RNF150: variants seen among roughly 807,000 people sequenced by gnomAD.
The protein encoded by RNF150 is ring finger protein 150.
RNF150 carries 24 observed loss-of-function variants against 39.3 expected under a neutral mutation model. The ratio of observed to expected loss-of-function variants is 0.61; its 90% CI spans 0.44 to 0.86. The LOEUF (loss-of-function observed/expected upper bound fraction) is 0.86. RNF150 is among the 40% of genes least tolerant of loss of function. The pLI, the probability that RNF150 is intolerant of heterozygous loss-of-function variation, is 0.00. For missense variants in RNF150, 502 were observed against 587.8 expected (o/e 0.85, Z 1.51); for synonymous variants, 255 against 227.3 (o/e 1.12, Z -1.10).
intron 6 of RNF150, among the ~76,000 whole-genome samples, chr4:140,893,718 G>C (rs1371035050): frequency 6.6e-6 from 1 of 152,196 alleles, no homozygotes; most frequent in Non-Finnish European, 1.5e-5. Flanking sequence ...TGTTCTGGCG[G>C]GGGCTTGTGA....
chr4:141,100,458 T>C lies in RNF150; in HGVS notation c.484+31867A>G, dbSNP rs559273700. Among the ~76,000 whole-genome samples, 7 of 152,334 alleles carry C rather than the reference T, an allele frequency of 4.6e-5. No homozygotes were observed. In the South Asian group the frequency reaches 1.0e-3, roughly 23 times the overall value. On this transcript the variant is annotated intron_variant, in intron 1 of 6. Transcript: ENST00000515673. Reference sequence around the variant, plus strand: ...CAAACACTGCTGATCACAAGTACTGTACATCTACTACTAAATAAGTAATGC... The same window carrying C: ...CAAACACTGCTGATCACAAGTACTGCACATCTACTACTAAATAAGTAATGC...
chr4:141,048,535 A>C (rs1736665051), intron 1 of RNF150, among the ~76,000 whole-genome samples: 1 of 152,140 alleles, frequency 6.6e-6, no homozygotes, highest in Admixed American at 6.5e-5. Flanking sequence ...GTTTGAGACC[A>C]TCCTGAACAA....
chr4:141,076,605 T>C (rs1737903546), intron 1 of RNF150, among the ~76,000 whole-genome samples: 1 of 151,662 alleles, frequency 6.6e-6, no homozygotes, highest in Non-Finnish European at 1.5e-5. Flanking sequence ...TTCAGCACCT[T>C]TGTGGGTAGA....
chr4:140,913,212 G>C (rs6827543), intron 5 of RNF150, among the ~76,000 whole-genome samples: 83,935 of 151,958 alleles, frequency 0.55, 23,678 homozygotes, highest in East Asian at 0.89. Context: ...AGTGAGCCAA[G>C]ATTGTCCCAC....
intron 1 of RNF150, among the ~76,000 whole-genome samples, chr4:141,122,229 G>A (rs1243381587): frequency 6.6e-6 from 1 of 152,204 alleles, no homozygotes; most frequent in South Asian, 2.1e-4. Context: ...CAGACACAGA[G>A]GAGTGTAAGG....
intron 1 of RNF150, among the ~76,000 whole-genome samples, chr4:141,201,377 G>A (rs1728287434): frequency 6.6e-6 from 1 of 152,162 alleles, no homozygotes; most frequent in Admixed American, 6.5e-5. Context: ...TTTCCAGATA[G>A]CCATGCCTCA....
In RNF150 at chr4:141,129,407, G is replaced by C. The variant is rs544179546; in HGVS notation, c.484+2918C>G. 2.0e-5 allele frequency among the ~76,000 whole-genome samples: 3 copies of C among 152,306 alleles called. No individual in the cohort carries two copies. The South Asian group carries it at 6.2e-4, about 32-fold the overall frequency. On this transcript the variant is annotated intron_variant, in intron 1 of 6. Transcript: ENST00000515673. ...TTCCATTTATATGAAAGGTACAAAA[G>C]AGGCATTTAAATACATGAAGACAGA... is the stretch of plus-strand genomic sequence containing the variant.
At chr4:141,012,123 C>A (rs564040993) in intron 1 of RNF150, among the ~76,000 whole-genome samples, 24 of 152,324 alleles carry the variant, frequency 1.6e-4, no homozygotes, top group African/African-American at 5.8e-4. Context: ...AGAATCTTTT[C>A]TTTCAAAAAG....
chr4:141,120,412 T>G (rs983991476), intron 1 of RNF150, among the ~76,000 whole-genome samples: 3 of 152,174 alleles, frequency 2.0e-5, no homozygotes, highest in African/African-American at 7.2e-5. Flanking sequence ...GTACTCTTCC[T>G]GCTCACTTGA....
intron 1 of RNF150, among the ~76,000 whole-genome samples, chr4:140,976,253 C>T (rs1440042628): frequency 6.6e-6 from 1 of 152,116 alleles, no homozygotes; most frequent in Non-Finnish European, 1.5e-5. Context: ...CCCATCACAT[C>T]CTCCTTCAAA....
intron 6 of RNF150, among the ~76,000 whole-genome samples, chr4:140,883,660 G>A (rs994484177): frequency 1.3e-5 from 2 of 152,126 alleles, no homozygotes; most frequent in African/African-American, 4.8e-5. Context: ...TCATATGTAA[G>A]CTCCCTTGTG....
chr4:140,954,676 AAAT>A (rs1389406629), intron 2 of RNF150, among the ~76,000 whole-genome samples: 3 of 152,250 alleles, frequency 2.0e-5, no homozygotes, highest in African/African-American at 7.2e-5. Context: ...CCATGTATTA[AAAT>A]AATAAAGTCC....
chr4:141,151,971 C>T (rs1336146910), intron 1 of RNF150, among the ~76,000 whole-genome samples: 2 of 151,898 alleles, frequency 1.3e-5, no homozygotes, highest in Non-Finnish European at 1.5e-5. Flanking sequence ...TGATGTAGGT[C>T]TGCCATGTGT....
chr4:141,126,091 T>TACACAC (rs372235467), intron 1 of RNF150, among the ~76,000 whole-genome samples: 12 of 61,498 alleles, frequency 2.0e-4, no homozygotes, highest in African/African-American at 6.6e-4. Flanking sequence ...GCAAAATAAA[T>TACACAC]ACATACACAC....
chr4:141,014,848 G>T (rs1216413000), intron 1 of RNF150, among the ~76,000 whole-genome samples: 2 of 151,972 alleles, frequency 1.3e-5, no homozygotes, highest in Non-Finnish European at 2.9e-5. Flanking sequence ...GTCTAATTTT[G>T]CCTTTGTTGC....
chr4:141,063,577 A>G (rs911121152), intron 1 of RNF150, among the ~76,000 whole-genome samples: 2 of 152,208 alleles, frequency 1.3e-5, no homozygotes, highest in Non-Finnish European at 2.9e-5. Context: ...TTTCTGAAAC[A>G]TTGTGCCACC....
chr4:141,208,078 T>C (rs542581657), intron 1 of RNF150, among the ~76,000 whole-genome samples: 2 of 152,256 alleles, frequency 1.3e-5, no homozygotes, highest in Non-Finnish European at 2.9e-5. Flanking sequence ...GGCATCACAA[T>C]AAGTGATCAT....
chr4:141,142,502 A>G (rs934065943), intron 1 of RNF150, among the ~76,000 whole-genome samples: 3 of 152,156 alleles, frequency 2.0e-5, no homozygotes, highest in African/African-American at 7.2e-5. Flanking sequence ...CTCCCTTTTT[A>G]TAGCAAAACT....
chr4:141,062,600 T>G (rs1737280446), intron 1 of RNF150, among the ~76,000 whole-genome samples: 1 of 152,234 alleles, frequency 6.6e-6, no homozygotes, highest in Non-Finnish European at 1.5e-5. Flanking sequence ...CAAGAGCTTC[T>G]GCATAAGATT....
Sources: gnomAD v4.1 joint callset for allele counts (sites outside exome capture counted in the v4.1 genomes callset) on GRCh38, gnomAD v4.1.1 for gene constraint, MANE v1.5 for transcripts, NCBI Gene and HGNC (gene_info 2026-07-23, HGNC 2026-07-21) for gene names.